Variants in ADGRG4 observed in about 807,000 individuals in gnomAD.
ADGRG4 encodes adhesion G protein-coupled receptor G4, also known as G protein-coupled receptor 112.
Under a neutral mutation model 126.2 loss-of-function variants are expected in ADGRG4, and 122 were observed. That is an observed-to-expected ratio of 0.97 (90% CI 0.83 to 1.12). The LOEUF is 1.12. Among genes scored for constraint, ADGRG4 ranks in the 50% most tolerant of loss-of-function variants. The probability of loss-of-function intolerance (pLI) is 0.00; values close to 1 mark genes in which losing one functional copy is unlikely to be tolerated. For missense variants in ADGRG4, 2,481 were observed against 2,251.8 expected (o/e 1.10, Z -2.06); for synonymous variants, 943 against 838.7 (o/e 1.12, Z -2.15).
At chrX:136,354,363 C>G (rs1411303938) in intron 8 of ADGRG4, among the ~76,000 whole-genome samples, 2 of 111,897 alleles carry the variant, frequency 1.8e-5, no homozygotes, top group Non-Finnish European at 3.8e-5. Context: ...TGGCCCTCTT[C>G]TTGCTGTGCC....
At chrX:136,325,068 CA>C (rs2074863969) in intron 5 of ADGRG4, among the ~76,000 whole-genome samples, 2 of 112,247 alleles carry the variant, frequency 1.8e-5, no homozygotes, top group South Asian at 7.4e-4. Context: ...CCACTATCAG[CA>C]GCAGCAGTCT....
chrX:136,331,880 G>A (rs1328247812), intron 5 of ADGRG4, among the ~76,000 whole-genome samples: 1 of 104,951 alleles, frequency 9.5e-6, no homozygotes, highest in African/African-American at 3.5e-5. Context: ...GCAGTGGTGC[G>A]ATCTCGGCTC....
chrX:136,351,338 CGTT>C, intron 6 of ADGRG4, 106 bp from the exon 7 acceptor site: 1 of 380,487 alleles, frequency 2.6e-6, no homozygotes, highest in Non-Finnish European at 4.5e-6. Flanking sequence ...AGGCATGAGA[CGTT>C]ATTATTTGGT....
chrX:136,320,051 A>C, intron 4 of ADGRG4, among the ~76,000 whole-genome samples: 2 of 111,773 alleles, frequency 1.8e-5, no homozygotes, highest in South Asian at 7.5e-4. Context: ...ATAATACTGC[A>C]CCTGCACTTA....
intron 12 of ADGRG4, 102 bp from the exon 13 acceptor site, chrX:136,363,375 G>C: frequency 1.7e-6 from 1 of 587,121 alleles, no homozygotes; most frequent in East Asian, 3.3e-5. Flanking sequence ...AGGAGGCTTG[G>C]GGCAGGCGAG....
At chrX:136,319,696 A>G (rs371247159) in intron 4 of ADGRG4, among the ~76,000 whole-genome samples, 27 of 76,787 alleles carry the variant, frequency 3.5e-4, no homozygotes, top group Non-Finnish European at 5.5e-4. Context: ...GGCCACAGTG[A>G]TTCTATCTAT....
chrX:136,337,708 T>C (rs954195753), intron 5 of ADGRG4, among the ~76,000 whole-genome samples: 3 of 112,431 alleles, frequency 2.7e-5, no homozygotes, highest in African/African-American at 9.7e-5. Context: ...TGTTTGTTTC[T>C]TTCTGTCTAC....
At position 136,347,651 on chromosome X, in the gene ADGRG4, T is replaced by G. The variant is rs776177960; in HGVS notation, c.3945T>G (p.Pro1315=). ...TKISSHQTHS[P]SEIPLGTPSD... The stretch of plus-strand genomic sequence containing the variant: ...TTTCCAGTCACCAAACACATTCGCC[T>G]TCAGAGATTCCACTTGGGACTCCCT... The change falls in exon 6 of 26, where the codon CCT becomes CCG. Residue 1315 remains proline, a synonymous_variant. Coordinates refer to ENST00000394143, the MANE Select transcript of ADGRG4 (RefSeq NM_153834.4). 2 of 1,208,883 alleles carry G rather than the reference T, an allele frequency of 1.7e-6. No homozygotes were observed. Among genetic ancestry groups the G allele is most frequent in the African/African-American group, 1.7e-5 (1 of 57,251 alleles).
intron 4 of ADGRG4, among the ~76,000 whole-genome samples, chrX:136,318,691 T>C (rs1303631376): frequency 9.0e-6 from 1 of 111,016 alleles, no homozygotes. Context: ...TTCCTTACAA[T>C]ATGATCTCAG....
Position 136,347,209 on chromosome X carries a change from C to T in ADGRG4, c.3503C>T (p.Pro1168Leu). ...CATGTGATCTCAACTACGTCTACACCAGAAGCAACTCAACCAATATCTCAA... is the reference window on the plus strand; with the variant it reads ...CATGTGATCTCAACTACGTCTACACTAGAAGCAACTCAACCAATATCTCAA... ...STHVISTTST[P>L]EATQPISQVE... is the part of the protein sequence containing the mutation. Residue 1168 changes from proline to leucine, a missense_variant, in exon 6 of 26, where the codon CCA becomes CTA. Physicochemically the swap from Pro to Leu is moderately conservative, Grantham distance 98 (BLOSUM62 -3). Transcript: ENST00000394143. 8.3e-7 allele frequency: 1 copy of T among 1,210,628 alleles called. No individual in the cohort carries two copies. The highest frequency in any genetic ancestry group is 1.1e-6 in the Non-Finnish European group (1 of 894,582).
Position 136,361,531 on chromosome X carries a change from G to A in ADGRG4, c.7221G>A (p.Thr2407=), listed in dbSNP as rs750830780. 5.9e-6 allele frequency: 7 copies of A among 1,188,563 alleles called. No individual in the cohort carries two copies. Among genetic ancestry groups the A allele is most frequent in the Admixed American group, 4.4e-5 (2 of 45,024 alleles). ...ATAAGTGGCTATTAACCAACCCTAC[G>A]GAGACAGCCCAAACCAGATGCATAA... ...GTYKWLLTNP[T]ETAQTRCIKN... The change falls in exon 12 of 26, where the codon ACG becomes ACA. Residue 2407 remains threonine (T), a synonymous_variant. Transcript: ENST00000394143.
chrX:136,381,678 G>GTA (rs201246715), intron 15 of ADGRG4, among the ~76,000 whole-genome samples: 107 of 110,384 alleles, frequency 9.7e-4, no homozygotes, highest in African/African-American at 3.2e-3. Flanking sequence ...ATATATGTAT[G>GTA]TATATATATA....
Position 136,347,439 on chromosome X carries a change from A to T in ADGRG4, c.3733A>T (p.Ile1245Phe), listed in dbSNP as rs2075026030. The T allele has an allele frequency of 1.7e-6, 2 of 1,207,704 alleles. No homozygotes were observed. The highest frequency in any genetic ancestry group is 1.7e-5 in the African/African-American group (1 of 57,171). Reference protein sequence around the residue: ...ATYRVHTPVSIQLVTSTSVLS... With the variant: ...ATYRVHTPVSFQLVTSTSVLS... ...ATATCGTGTACACACACCAGTGTCC[A>T]TCCAGTTGGTGACTAGCACCTCTGT... Residue 1245 changes from isoleucine to phenylalanine, a missense_variant, in exon 6 of 26, where the codon ATC (isoleucine) becomes TTC (phenylalanine). Coordinates refer to ENST00000394143, the MANE Select transcript of ADGRG4 (RefSeq NM_153834.4).
chrX:136,380,693 TCTTCTC>T (rs1414719714), intron 15 of ADGRG4, among the ~76,000 whole-genome samples: 1 of 91,916 alleles, frequency 1.1e-5, no homozygotes, highest in African/African-American at 4.0e-5. Context: ...TCCTCCTTCT[TCTTCTC>T]CTTCTCCTTC....
At chrX:136,319,739 C>CTATCTATCTATCTA (rs1416159710) in intron 4 of ADGRG4, among the ~76,000 whole-genome samples, 3 of 108,753 alleles carry the variant, frequency 2.8e-5, no homozygotes, top group South Asian at 4.1e-4. Flanking sequence ...ATCTATCTAT[C>CTATCTATCTATCTA]TATCTATCTA....
intron 5 of ADGRG4, among the ~76,000 whole-genome samples, chrX:136,340,865 G>T (rs1260991108): frequency 3.6e-5 from 4 of 111,776 alleles, no homozygotes. Flanking sequence ...TTTAATGAAT[G>T]AAGACTTTAG....
chrX:136,382,202 C>T (rs1198128449), intron 15 of ADGRG4, among the ~76,000 whole-genome samples: 2 of 111,531 alleles, frequency 1.8e-5, no homozygotes, highest in Non-Finnish European at 3.8e-5. Context: ...TTATGCCTAA[C>T]ATAATACAAC....
intron 23 of ADGRG4, among the ~76,000 whole-genome samples, chrX:136,406,913 C>CAA (rs759585174): frequency 3.4e-5 from 2 of 58,222 alleles, no homozygotes; most frequent in East Asian, 5.2e-4. Context: ...GAGACTCTGT[C>CAA]AAAAAAAAAA....
intron 15 of ADGRG4, among the ~76,000 whole-genome samples, chrX:136,374,102 A>G (rs1438567866): frequency 8.9e-6 from 1 of 111,967 alleles, no homozygotes; most frequent in Non-Finnish European, 1.9e-5. Flanking sequence ...GTTCTACAAC[A>G]TTATATAAAT....
Sources: allele counts gnomAD v4.1 joint callset (sites outside exome capture counted in the v4.1 genomes callset), GRCh38; gene constraint gnomAD v4.1.1; transcripts MANE v1.5; gene names NCBI Gene and HGNC (gene_info 2026-07-23, HGNC 2026-07-21).